The following AATF variants were observed in gnomAD, a reference collection of about 807,000 sequenced individuals.
AATF encodes apoptosis antagonizing transcription factor, also known as protein AATF.
Under a neutral mutation model 63.7 loss-of-function variants are expected in AATF, and 48 were observed. The observed-to-expected ratio is 0.75, with a 90% CI of 0.60 to 0.96. The LOEUF is 0.96. Ranked by LOEUF, AATF falls within the 40% of genes least tolerant of loss-of-function variation. The pLI is 0.00. For missense variants in AATF, 639 were observed against 685.7 expected, an observed-to-expected ratio of 0.93 and a Z score of 0.76; for synonymous variants, 258 against 247.7, an observed-to-expected ratio of 1.04 and a Z score of -0.39.
intron 10 of AATF, among the ~76,000 whole-genome samples, chr17:37,022,901 C>T (rs753868324): frequency 3.3e-5 from 5 of 152,144 alleles, no homozygotes; most frequent in Non-Finnish European, 7.3e-5. Flanking sequence ...TATTTGTTTA[C>T]TGACACGTCT....
chr17:37,030,787 A>AGT (rs1303813293), intron 10 of AATF, among the ~76,000 whole-genome samples: 4 of 152,126 alleles, frequency 2.6e-5, no homozygotes, highest in Non-Finnish European at 5.9e-5. Context: ...AACCAGTGGC[A>AGT]GTGTGTGTGG....
chr17:36,971,285 A>C (rs954706197), intron 4 of AATF, among the ~76,000 whole-genome samples: 1 of 152,242 alleles, frequency 6.6e-6, no homozygotes, highest in Non-Finnish European at 1.5e-5. Flanking sequence ...ACCAAAGACA[A>C]TATATGATAG....
Position 36,949,082 on chromosome 17 carries a change from C to T in AATF, c.-44C>T. On this transcript the variant is annotated 5_prime_UTR_variant, in exon 1 of 12. Transcript: ENST00000619387. ...AGCTTCGGGGCCGGGGGTTGGGCCG[C>T]ACATTTACGTGCGCGAAGCGGAGTG... 2 of 1,498,644 alleles carry T rather than the reference C, an allele frequency of 1.3e-6. No homozygotes were observed. Among genetic ancestry groups the T allele is most frequent in the Non-Finnish European group, 1.8e-6 (2 of 1,101,716 alleles). The allele number at this position is 1,498,644 out of a possible 1,614,324, so 92.8% of individuals were successfully genotyped here. A position where few individuals can be genotyped will look rare whatever the true frequency, so the allele number is the denominator to read the frequency against.
intron 8 of AATF, among the ~76,000 whole-genome samples, chr17:37,006,579 T>C (rs368478185): frequency 2.0e-5 from 3 of 152,250 alleles, no homozygotes; most frequent in East Asian, 3.8e-4. Context: ...ATTGCTTTAA[T>C]TCTTACTCTG....
chr17:37,020,796 TG>T, intron 9 of AATF, 137 bp from the exon 10 acceptor site: 1 of 607,686 alleles, frequency 1.6e-6, no homozygotes. Flanking sequence ...TTAGTCAGTT[TG>T]GCCCCAAACT....
chr17:37,053,761 A>G (rs3859280), intron 11 of AATF, among the ~76,000 whole-genome samples: 52,574 of 152,006 alleles, frequency 0.35, 13,716 homozygotes, highest in African/African-American at 0.74. Flanking sequence ...AATTACTTGG[A>G]AGGCTGAGGC....
At chr17:36,969,614 G>C (rs1331909282) in intron 4 of AATF, among the ~76,000 whole-genome samples, 1 of 152,162 alleles carries the variant, frequency 6.6e-6, no homozygotes, top group African/African-American at 2.4e-5. Flanking sequence ...GCTTAGGTTA[G>C]CTAAGTCAGT....
At chr17:37,036,489 TC>T (rs1227019090) in intron 11 of AATF, among the ~76,000 whole-genome samples, 2 of 152,162 alleles carry the variant, frequency 1.3e-5, no homozygotes, top group Non-Finnish European at 2.9e-5. Context: ...AGTGGCATCT[TC>T]ATTTTGTTTC....
chr17:36,984,118 A>G (rs1007678417), intron 4 of AATF, among the ~76,000 whole-genome samples: 18 of 152,232 alleles, frequency 1.2e-4, no homozygotes, highest in Non-Finnish European at 4.4e-5. Flanking sequence ...CATAAAAATC[A>G]TTTAACCTAA....
At chr17:36,963,898 T>C (rs1283084371) in intron 4 of AATF, among the ~76,000 whole-genome samples, 2 of 152,242 alleles carry the variant, frequency 1.3e-5, no homozygotes, top group African/African-American at 4.8e-5. Flanking sequence ...ATGGAGTGGC[T>C]GGGCACAGTG....
intron 8 of AATF, among the ~76,000 whole-genome samples, chr17:37,003,384 G>A (rs1462500257): frequency 6.6e-6 from 1 of 151,514 alleles, no homozygotes; most frequent in Non-Finnish European, 1.5e-5. Flanking sequence ...AAATCTTCAT[G>A]CTGCAGGTAG....
intron 11 of AATF, among the ~76,000 whole-genome samples, chr17:37,032,464 C>T (rs902621459): frequency 1.3e-5 from 2 of 152,202 alleles, no homozygotes; most frequent in Non-Finnish European, 2.9e-5. Flanking sequence ...TCATCTTAGA[C>T]TTTCCATCTT....
rs558580100 is a variant in AATF at position 36,960,107 on chromosome 17, G to C, written c.832+6200G>C. On this transcript the variant is annotated intron_variant, in intron 4 of 11. Coordinates refer to ENST00000619387, the MANE Select transcript of AATF (RefSeq NM_012138.4). ...TGGCTCACTGCAACCTCTGCCTCCC[G>C]GGTTTAAGTGATTCTCCTGCCTCAG... is the stretch of plus-strand genomic sequence containing the variant. Among the ~76,000 whole-genome samples the C allele has an allele frequency of 1.3e-5, 2 of 151,980 alleles. 1 individual carries two copies. The highest frequency in any genetic ancestry group is 4.2e-4 in the South Asian group (2 of 4,812).
intron 11 of AATF, among the ~76,000 whole-genome samples, chr17:37,033,433 T>G (rs2071566789): frequency 6.6e-6 from 1 of 152,246 alleles, no homozygotes; most frequent in Non-Finnish European, 1.5e-5. Flanking sequence ...AGTGGTATCT[T>G]TTGATCATAG....
intron 10 of AATF, among the ~76,000 whole-genome samples, chr17:37,025,401 CAG>C (rs1194088135): frequency 6.6e-6 from 1 of 152,090 alleles, no homozygotes; most frequent in Non-Finnish European, 1.5e-5. Context: ...GACAAGAATA[CAG>C]AGTGACAAGA....
intron 8 of AATF, among the ~76,000 whole-genome samples, chr17:37,002,010 T>C (rs1022246841): frequency 1.2e-4 from 18 of 151,892 alleles, no homozygotes; most frequent in Admixed American, 3.3e-4. Context: ...AAGACCAGCC[T>C]GGCCAACATG....
At chr17:37,029,556 T>C (rs1289859178) in intron 10 of AATF, among the ~76,000 whole-genome samples, 1 of 149,866 alleles carries the variant, frequency 6.7e-6, no homozygotes, top group Non-Finnish European at 1.5e-5. Flanking sequence ...CCAGTTTTTT[T>C]ACTTTTTGGT....
rs912309519 is a variant in AATF, at chr17:36,966,220, T to TA, written c.832+12320dup. On this transcript the variant is annotated intron_variant, in intron 4 of 11. Transcript: ENST00000619387. Reference sequence around the variant, plus strand: ...TTGAAGCTGATTTCCAGATTTTTTTTAAAAAAATCAATTTTTTAAGTTGTT... The same window carrying TA: ...TTGAAGCTGATTTCCAGATTTTTTTTAAAAAAAATCAATTTTTTAAGTTGTT... Among the ~76,000 whole-genome samples the TA allele has an allele frequency of 1.3e-3, 203 of 152,244 alleles. 1 individual carries two copies. The highest frequency in any genetic ancestry group is 0.01 in the Middle Eastern group (3 of 294).
At chr17:37,050,155 G>T (rs8065239) in intron 11 of AATF, among the ~76,000 whole-genome samples, 1 of 151,962 alleles carries the variant, frequency 6.6e-6, no homozygotes, top group African/African-American at 2.4e-5. Flanking sequence ...ACTTCTCTCT[G>T]GCTTTAGAGG....
Sources: gnomAD v4.1 joint callset for allele counts (sites outside exome capture counted in the v4.1 genomes callset) on GRCh38, gnomAD v4.1.1 for gene constraint, MANE v1.5 for transcripts, NCBI Gene and HGNC (gene_info 2026-07-23, HGNC 2026-07-21) for gene names.